Variants in ITPR2 observed in about 807,000 individuals in gnomAD.
ITPR2 encodes inositol 1,4,5-trisphosphate receptor type 2.
A neutral mutation model predicts 317.1 loss-of-function variants in ITPR2; 207 were observed. The observed-to-expected ratio is 0.65, with a 90% CI of 0.58 to 0.73. The LOEUF (loss-of-function observed/expected upper bound fraction) is 0.73. ITPR2 is among the 30% of genes least tolerant of loss of function. The pLI, the probability that ITPR2 is intolerant of heterozygous loss-of-function variation, is 0.00. For synonymous variants in ITPR2, 1,156 were observed against 1,149.1 expected, an observed-to-expected ratio of 1.01 and a Z score of -0.12; for missense variants, 2,613 against 3,284.0, an observed-to-expected ratio of 0.80 and a Z score of 4.99.
At chr12:26,827,829 C>T (rs1000643372) in intron 1 of ITPR2, among the ~76,000 whole-genome samples, 37 of 152,232 alleles carry the variant, frequency 2.4e-4, no homozygotes, top group Middle Eastern at 3.4e-3. Context: ...TTTTAGCTCC[C>T]CCGTTGCGTT....
rs774771428 is a variant in ITPR2, at chr12:26,628,015, A to G, written c.3064+18T>C. On this transcript the variant is annotated intron_variant, in intron 23 of 56. Transcript: ENST00000381340. ...GAAAAATAAAATAAAAAGAGTAAAT[A>G]CTGTCACAAAAAGATACCTGATGGT... 6.3e-7 allele frequency: 1 copy of G among 1,585,400 alleles called. No homozygotes were observed. The highest frequency in any genetic ancestry group is 1.4e-5 in the African/African-American group (1 of 73,342).
intron 54 of ITPR2, among the ~76,000 whole-genome samples, chr12:26,395,629 A>G (rs1344577863): frequency 6.6e-6 from 1 of 152,198 alleles, no homozygotes; most frequent in Non-Finnish European, 1.5e-5. Flanking sequence ...GTGCAAAAGA[A>G]AGACCACGAG....
At chr12:26,432,219 G>T (rs1941230875) in intron 48 of ITPR2, among the ~76,000 whole-genome samples, 1 of 146,264 alleles carries the variant, frequency 6.8e-6, no homozygotes, top group Admixed American at 6.9e-5. Flanking sequence ...ATGGGATTCA[G>T]TTGTCACGTC....
At chr12:26,597,283 G>T (rs1289486442) in intron 30 of ITPR2, 149 bp from the exon 31 acceptor site, 2 of 926,934 alleles carry the variant, frequency 2.2e-6, no homozygotes, top group Admixed American at 4.0e-5. Flanking sequence ...GGGGAGGGTG[G>T]TGACAAGATT....
At chr12:26,393,403 T>C (rs1939905987) in intron 54 of ITPR2, among the ~76,000 whole-genome samples, 1 of 152,220 alleles carries the variant, frequency 6.6e-6, no homozygotes, top group Non-Finnish European at 1.5e-5. Context: ...TTGGAGCTTC[T>C]GGGAATGAAT....
Position 26,387,530 on chromosome 12 carries a change from G to T in ITPR2, c.7761C>A (p.His2587Gln). 2 of 1,613,712 alleles carry T rather than the reference G, an allele frequency of 1.2e-6. No homozygotes were observed. Among genetic ancestry groups the T allele is most frequent in the South Asian group, 1.1e-5 (1 of 91,062 alleles). ...VSFEEHIKSE[H>Q]NMWHYLYFIV... The stretch of plus-strand genomic sequence containing the variant: ...TGAAGTACAAATAATGCCACATATT[G>T]TGTTCTGACTTAATGTGCTCCTCAA... The change falls in exon 55 of 57, where the codon CAC becomes CAA. Residue 2587 changes from histidine to glutamine, a missense_variant. By Grantham distance (24) the His-to-Gln change is conservative. Coordinates refer to ENST00000381340, the MANE Select transcript of ITPR2 (RefSeq NM_002223.4).
intron 18 of ITPR2, among the ~76,000 whole-genome samples, chr12:26,656,896 C>T (rs1947381800): frequency 1.3e-5 from 2 of 152,196 alleles, no homozygotes; most frequent in South Asian, 2.1e-4. Context: ...TCTCCACCTT[C>T]GCCAGCCTCA....
At chr12:26,412,745 G>T (rs770944961) in intron 51 of ITPR2, among the ~76,000 whole-genome samples, 3 of 152,146 alleles carry the variant, frequency 2.0e-5, no homozygotes, top group Non-Finnish European at 4.4e-5. Context: ...ATTCATCAAG[G>T]TAAGGCAGGG....
intron 43 of ITPR2, among the ~76,000 whole-genome samples, chr12:26,480,099 T>C (rs1223501542): frequency 6.6e-6 from 1 of 152,222 alleles, no homozygotes; most frequent in African/African-American, 2.4e-5. Flanking sequence ...ACATTCTTAA[T>C]AGTCTTGGAT....
intron 37 of ITPR2, among the ~76,000 whole-genome samples, chr12:26,498,725 T>C (rs1275601211): frequency 6.6e-6 from 1 of 152,200 alleles, no homozygotes; most frequent in African/African-American, 2.4e-5. Flanking sequence ...GACTTTTTCT[T>C]GAAATTGCAC....
At chr12:26,743,127 A>T (rs1203379389) in intron 2 of ITPR2, among the ~76,000 whole-genome samples, 1 of 152,202 alleles carries the variant, frequency 6.6e-6, no homozygotes, top group Non-Finnish European at 1.5e-5. Context: ...ACTTTAAAAG[A>T]TGAATTTTAT....
In ITPR2 at chr12:26,682,675, TAA is replaced by T; in HGVS notation, c.1149-4_1149-3del. On this transcript the variant is annotated splice_polypyrimidine_tract_variant and splice_region_variant and intron_variant, in intron 11 of 56. Coordinates refer to ENST00000381340, the MANE Select transcript of ITPR2 (RefSeq NM_002223.4). The stretch of plus-strand genomic sequence containing the variant: ...TGCCTTAACCGAACATATGAGTTCC[TAA>T]AAGCAAAACAATATAAAAAAACAAA... 1 of 1,596,028 alleles carries T rather than the reference TAA, an allele frequency of 6.3e-7. No individual in the cohort carries two copies. The highest frequency in any genetic ancestry group is 8.6e-7 in the Non-Finnish European group (1 of 1,166,478).
intron 2 of ITPR2, among the ~76,000 whole-genome samples, chr12:26,785,272 C>T (rs201155411): frequency 7.7e-5 from 3 of 38,962 alleles, no homozygotes; most frequent in Non-Finnish European, 6.6e-5. Flanking sequence ...CCCCTCTGCC[C>T]GGCCAGCCGC....
At chr12:26,522,482 A>T (rs1290997484) in intron 37 of ITPR2, among the ~76,000 whole-genome samples, 1 of 152,194 alleles carries the variant, frequency 6.6e-6, no homozygotes, top group Non-Finnish European at 1.5e-5. Flanking sequence ...GGGGACCATT[A>T]TTACAGTGGA....
chr12:26,498,229 G>A (rs982320361), intron 37 of ITPR2, among the ~76,000 whole-genome samples: 2 of 152,206 alleles, frequency 1.3e-5, no homozygotes, highest in African/African-American at 4.8e-5. Context: ...AAAAGAAACA[G>A]TGAAGTATAA....
In ITPR2 at chr12:26,686,627, A is replaced by G. The variant is rs750107718; in HGVS notation, c.1002T>C (p.Asp334=). The part of the protein sequence containing the change: ...DAQNEGKNVR[D]GVPPTSKKKR... ...TTTTCTTTGAAGTTGGAGGGACTCC[A>G]TCTCTCTGTTGAGGAAGTACAAGTT... Residue 334 remains aspartate, a synonymous_variant, in exon 11 of 57, where the codon GAT becomes GAC. Coordinates refer to ENST00000381340, the MANE Select transcript of ITPR2 (RefSeq NM_002223.4). 3.7e-6 allele frequency: 6 copies of G among 1,605,468 alleles called. No homozygotes were observed. Among genetic ancestry groups the G allele is most frequent in the Admixed American group, 1.7e-5 (1 of 58,442 alleles).
At position 26,679,133 on chromosome 12, in the gene ITPR2, A is replaced by G. The variant is rs945041122; in HGVS notation, c.1409+2741T>C. On this transcript the variant is annotated intron_variant, in intron 13 of 56. Transcript: ENST00000381340. ...TCTGATATTTACTTGTCTATAGCCC[A>G]TAAAAGTGGGCCAGTTGTTTCTGCT... 2.0e-5 allele frequency among the ~76,000 whole-genome samples: 3 copies of G among 152,228 alleles called. No homozygotes were observed. The East Asian group carries it at 5.8e-4, about 29-fold the overall frequency.
intron 37 of ITPR2, among the ~76,000 whole-genome samples, chr12:26,510,332 AC>A (rs1230341792): frequency 6.6e-6 from 1 of 152,174 alleles, no homozygotes; most frequent in African/African-American, 2.4e-5. Context: ...TCCAGATGTG[AC>A]AGAAAAGCCA....
intron 6 of ITPR2, 80 bp from the exon 7 acceptor site, chr12:26,715,915 G>A (rs1948732181): frequency 9.7e-7 from 1 of 1,029,878 alleles, no homozygotes; most frequent in Admixed American, 1.9e-5. Context: ...ACTAGTAAAA[G>A]GAAATTAAAG....
Sources: allele counts gnomAD v4.1 joint callset (sites outside exome capture counted in the v4.1 genomes callset), GRCh38; gene constraint gnomAD v4.1.1; transcripts MANE v1.5; gene names NCBI Gene and HGNC (gene_info 2026-07-23, HGNC 2026-07-21).